The following CTCFL variants were observed in gnomAD, a reference collection of about 807,000 sequenced individuals.
The protein encoded by CTCFL is CCCTC-binding factor like, also known as transcriptional repressor CTCFL.
In CTCFL, 36 loss-of-function variants were observed where a neutral mutation model predicts 67.4. The observed-to-expected ratio is 0.53, with a 90% CI of 0.41 to 0.71. The LOEUF (loss-of-function observed/expected upper bound fraction) is 0.71. CTCFL is among the 30% of genes least tolerant of loss of function. The pLI, the probability that CTCFL is intolerant of heterozygous loss-of-function variation, is 0.00. For missense variants in CTCFL, 786 were observed against 835.2 expected (o/e 0.94, Z 0.73); for synonymous variants, 324 against 302.3 (o/e 1.07, Z -0.75).
At chr20:57,524,753 G>C in intron 1 of CTCFL, 7 of 987,504 alleles carry the variant, frequency 7.1e-6, no homozygotes, top group Non-Finnish European at 8.4e-6. Context: ...AGCACCCTCA[G>C]AGCCAGGCAG....
At chr20:57,508,488 G>T in intron 9 of CTCFL, 118 bp downstream of exon 9, 2 of 899,940 alleles carry the variant, frequency 2.2e-6, no homozygotes, top group Non-Finnish European at 3.4e-6. Context: ...CATGACAGAT[G>T]CTCCTGAAGT....
chr20:57,510,591 C>A (rs1042658088), intron 8 of CTCFL, among the ~76,000 whole-genome samples: 2 of 152,174 alleles, frequency 1.3e-5, no homozygotes, highest in Admixed American at 1.3e-4. Context: ...GGGCCAGGCG[C>A]GGTGGCTCAC....
intron 7 of CTCFL, chr20:57,513,362 T>C (rs2068688816): frequency 1.0e-6 from 1 of 986,700 alleles, no homozygotes; most frequent in Non-Finnish European, 1.2e-6. Flanking sequence ...GGTCTTGTGA[T>C]ACTTGTGTAA....
At chr20:57,500,772 A>G (rs1423009892) in intron 10 of CTCFL, among the ~76,000 whole-genome samples, 2 of 152,050 alleles carry the variant, frequency 1.3e-5, no homozygotes, top group Non-Finnish European at 2.9e-5. Context: ...TGAGGGTGAC[A>G]TGTTCAAAAT....
At chr20:57,522,606 C>T (rs902156375) in intron 3 of CTCFL, among the ~76,000 whole-genome samples, 11 of 152,278 alleles carry the variant, frequency 7.2e-5, no homozygotes, top group African/African-American at 2.6e-4. Context: ...CTTCCTAGTA[C>T]TTGGAATCCT....
chr20:57,524,049 A>G lies in CTCFL; in HGVS notation c.157T>C (p.Ser53Pro). ...SPSELEAERT[S>P]GAFQDSVLEE... ...AGGACGCTGTCCTGGAAGGCCCCAG[A>G]GGTACGCTCGGCCTCCAACTCACTA... Residue 53 changes from serine (S) to proline (P), a missense_variant, in exon 2 of 11, where the codon TCT (serine) becomes CCT (proline). By Grantham distance (74) the Ser-to-Pro change is moderately conservative. This residue lies in a region of CTCFL where 333 missense variants were observed against 304.6 expected (regional missense o/e 1.09). Transcript: ENST00000243914. The G allele has an allele frequency of 1.2e-6, 2 of 1,613,554 alleles. No homozygotes were observed. Among genetic ancestry groups the G allele is most frequent in the Non-Finnish European group, 1.7e-6 (2 of 1,179,970 alleles).
At chr20:57,514,453 G>C (rs1256466480) in intron 7 of CTCFL, 139 bp downstream of exon 7, 1 of 966,568 alleles carries the variant, frequency 1.0e-6, no homozygotes, top group Non-Finnish European at 1.6e-6. Flanking sequence ...CAGGACTTCT[G>C]GAAGAAAATT....
downstream of CTCFL, chr20:57,496,217 A>T: frequency 4.9e-6 from 3 of 609,074 alleles, no homozygotes; most frequent in Non-Finnish European, 9.0e-6. Flanking sequence ...CGTTCAGAGG[A>T]GTGTGGCGCC....
intron 7 of CTCFL, chr20:57,513,645 G>C: frequency 1.7e-6 from 2 of 1,181,216 alleles, no homozygotes; most frequent in Non-Finnish European, 2.1e-6. Flanking sequence ...TGATGTGCTG[G>C]TATCTACGGC....
At position 57,523,867 on chromosome 20, in the gene CTCFL, T is replaced by C. The variant is rs2069608235; in HGVS notation, c.339A>G (p.Gln113=). 1.9e-6 allele frequency: 3 copies of C among 1,613,208 alleles called. No homozygotes were observed. Among genetic ancestry groups the C allele is most frequent in the African/African-American group, 1.3e-5 (1 of 75,060 alleles). The change falls in exon 2 of 11, where the codon CAA becomes CAG. Residue 113 remains glutamine, a synonymous_variant. Coordinates refer to ENST00000243914, the MANE Select transcript of CTCFL (RefSeq NM_001386993.1). ...QQQEGVQVVV[Q]QPGPGLLWLE... is the part of the protein sequence containing the mutation. The stretch of plus-strand genomic sequence containing the variant: ...GCCACAGCAACCCAGGGCCAGGCTG[T>C]TGCACCACCACCTGCACCCCTTCTT...
chr20:57,524,062 C>T lies in CTCFL; in HGVS notation c.144G>A (p.Glu48=), dbSNP rs1454768944. 1 of 1,613,686 alleles carries T rather than the reference C, an allele frequency of 6.2e-7. No individual in the cohort carries two copies. The highest frequency in any genetic ancestry group is 8.5e-7 in the Non-Finnish European group (1 of 1,179,968). ...EKDHRSPSEL[E]AERTSGAFQD... ...GGAAGGCCCCAGAGGTACGCTCGGCCTCCAACTCACTAGGGCTCCGATGGT... is the reference window on the plus strand; with the variant it reads ...GGAAGGCCCCAGAGGTACGCTCGGCTTCCAACTCACTAGGGCTCCGATGGT... The change falls in exon 2 of 11, where the codon GAG becomes GAA. Residue 48 remains glutamate (E), a synonymous_variant. Coordinates refer to ENST00000243914, the MANE Select transcript of CTCFL (RefSeq NM_001386993.1).
chr20:57,506,012 A>G (rs1398538582), intron 9 of CTCFL, among the ~76,000 whole-genome samples: 1 of 152,222 alleles, frequency 6.6e-6, no homozygotes, highest in East Asian at 1.9e-4. Flanking sequence ...AATGGGGGTG[A>G]TGGAACAGGT....
In CTCFL at chr20:57,508,652, G is replaced by GGGATGAAATTTGCATCGT; in HGVS notation, c.1610_1627dup (p.His537_Ile542dup). ...ACACTTGGAGCATTTGTAAACAGTC[G>GGGATGAAATTTGCATCGT]GGATGAAATTTGCATCGTGGTATTT... On this transcript the variant is annotated inframe_insertion, in exon 9 of 11. Coordinates refer to ENST00000243914, the MANE Select transcript of CTCFL (RefSeq NM_001386993.1). 1 of 1,614,110 alleles carries GGGATGAAATTTGCATCGT rather than the reference G, an allele frequency of 6.2e-7. No individual in the cohort carries two copies. The highest frequency in any genetic ancestry group is 8.5e-7 in the Non-Finnish European group (1 of 1,180,026).
In CTCFL at chr20:57,498,568, G is replaced by A. The variant is rs1245294651; in HGVS notation, c.1974C>T (p.Leu658=). Reference sequence around the variant, plus strand: ...ATCCCTCTCACTTATCCATCGTGTTGAGGAGCATTTCACAGGTCACGCCTT... The same window carrying A: ...ATCCCTCTCACTTATCCATCGTGTTAAGGAGCATTTCACAGGTCACGCCTT... ...VDEGVTCEML[L]NTMDK is the part of the protein sequence containing the mutation. Residue 658 remains leucine (L), a synonymous_variant, in exon 11 of 11, where the codon CTC becomes CTT. Coordinates refer to ENST00000243914, the MANE Select transcript of CTCFL (RefSeq NM_001386993.1). The A allele has an allele frequency of 2.5e-6, 4 of 1,613,832 alleles. No homozygotes were observed. Among genetic ancestry groups the A allele is most frequent in the South Asian group, 2.2e-5 (2 of 91,020 alleles).
intron 3 of CTCFL, 111 bp downstream of exon 3, chr20:57,522,957 A>G (rs1350526601): frequency 9.6e-6 from 8 of 835,188 alleles, no homozygotes; most frequent in African/African-American, 1.7e-5. Context: ...ATTTCCTGAC[A>G]TTTTGAAAGT....
intron 5 of CTCFL, among the ~76,000 whole-genome samples, chr20:57,516,085 T>C (rs758352995): frequency 2.0e-5 from 3 of 152,216 alleles, no homozygotes; most frequent in Non-Finnish European, 2.9e-5. Context: ...TGAGAGACTT[T>C]CGCGTTCACC....
intron 1 of CTCFL, chr20:57,524,797 C>G: frequency 6.1e-6 from 6 of 981,400 alleles, no homozygotes; most frequent in Non-Finnish European, 7.3e-6. Flanking sequence ...CCCACCCAGA[C>G]TTGGCCAAGC....
intron 9 of CTCFL, chr20:57,507,194 C>CTTTTT: frequency 9.4e-6 from 2 of 212,514 alleles, no homozygotes; most frequent in African/African-American, 2.5e-5. Context: ...GAATGTGCCA[C>CTTTTT]TTTTTTTTTT....
At chr20:57,507,552 C>A (rs1289541621) in intron 9 of CTCFL, 4 of 701,934 alleles carry the variant, frequency 5.7e-6, no homozygotes, top group Non-Finnish European at 1.0e-5. Flanking sequence ...CCTACTTGCA[C>A]TCTCTCACTT....
Sources: gnomAD v4.1 joint callset for allele counts (sites outside exome capture counted in the v4.1 genomes callset) on GRCh38, gnomAD v4.1.1 for gene constraint, gnomAD v4.1.1 regional missense constraint, MANE v1.5 for transcripts, NCBI Gene and HGNC (gene_info 2026-07-23, HGNC 2026-07-21) for gene names.